NOD2: variants seen among roughly 807,000 people sequenced by gnomAD.
NOD2 encodes the protein nucleotide-binding oligomerization domain-containing protein 2.
In NOD2, 86 loss-of-function variants were observed where a neutral mutation model predicts 90.9. The ratio of observed to expected loss-of-function variants is 0.95; its 90% CI spans 0.79 to 1.13. The LOEUF is 1.13. Among genes scored for constraint, NOD2 ranks in the 50% most tolerant of loss-of-function variants. The probability of loss-of-function intolerance (pLI) is 0.00; values close to 1 mark genes in which losing one functional copy is unlikely to be tolerated. For missense variants in NOD2, 1,238 were observed against 1,283.8 expected (o/e 0.96, Z 0.55); for synonymous variants, 581 against 554.6 (o/e 1.05, Z -0.67).
At chr16:50,701,085 A>G (rs368351360) in intron 2 of NOD2, among the ~76,000 whole-genome samples, 3 of 152,252 alleles carry the variant, frequency 2.0e-5, no homozygotes, top group Admixed American at 6.5e-5. Context: ...AGTAGTTTGA[A>G]TAAGCTCACA....
chr16:50,727,056 C>A (rs1173325627), intron 10 of NOD2, among the ~76,000 whole-genome samples: 1 of 150,492 alleles, frequency 6.6e-6, no homozygotes, highest in Non-Finnish European at 1.5e-5. Flanking sequence ...AGGAGAATCA[C>A]TTGAACCTGG....
chr16:50,731,727 G>T lies in NOD2; in HGVS notation c.2970-20G>T, dbSNP rs1479033063. 6.3e-7 allele frequency: 1 copy of T among 1,595,058 alleles called. No homozygotes were observed. The highest frequency in any genetic ancestry group is 2.2e-5 in the East Asian group (1 of 44,790). Reference sequence around the variant, plus strand: ...TAATTTTGTCCTCACTCAAACCTCTGTTCACTTGATCTGCTTTAGGCTCCG... The same window carrying T: ...TAATTTTGTCCTCACTCAAACCTCTTTTCACTTGATCTGCTTTAGGCTCCG... On this transcript the variant is annotated intron_variant, in intron 11 of 11. Coordinates refer to ENST00000647318, the MANE Select transcript of NOD2 (RefSeq NM_001370466.1).
intron 7 of NOD2, among the ~76,000 whole-genome samples, chr16:50,721,104 C>G (rs978649148): frequency 7.2e-5 from 11 of 152,024 alleles, no homozygotes; most frequent in Admixed American, 2.6e-4. Flanking sequence ...CGCACCCGGC[C>G]CCCAAGCTCA....
At chr16:50,703,593 C>T (rs905729622) in intron 2 of NOD2, among the ~76,000 whole-genome samples, 16 of 150,802 alleles carry the variant, frequency 1.1e-4, no homozygotes, top group East Asian at 3.9e-4. Flanking sequence ...GAGCCGAGAT[C>T]GCACTGCTTG....
intron 3 of NOD2, chr16:50,710,047 A>G (rs1420246353): frequency 4.0e-5 from 18 of 454,850 alleles, no homozygotes; most frequent in Non-Finnish European, 7.9e-5. Context: ...TGGGCTCCTG[A>G]GCCCTTAAGC....
intron 1 of NOD2, among the ~76,000 whole-genome samples, chr16:50,694,096 A>G (rs1215140389): frequency 6.6e-6 from 1 of 152,104 alleles, no homozygotes; most frequent in Non-Finnish European, 1.5e-5. Context: ...CTGCGAGGCC[A>G]CATCCCCCAG....
intron 2 of NOD2, among the ~76,000 whole-genome samples, chr16:50,703,683 CAAAAA>C (rs1043742883): frequency 1.8e-5 from 1 of 56,440 alleles, no homozygotes; most frequent in Admixed American, 2.0e-4. Flanking sequence ...GACTCTGTCT[CAAAAA>C]AAAAAAAAAA....
chr16:50,720,043 AGGGG>A (rs1964983092), intron 7 of NOD2, 35 bp downstream of exon 7: 1 of 1,588,150 alleles, frequency 6.3e-7, no homozygotes, highest in Admixed American at 1.7e-5. Flanking sequence ...ACCTGCATGG[AGGGG>A]CTTGGGACTT....
At chr16:50,714,233 T>C (rs1194818731) in intron 4 of NOD2, among the ~76,000 whole-genome samples, 1 of 152,102 alleles carries the variant, frequency 6.6e-6, no homozygotes, top group Non-Finnish European at 1.5e-5. Flanking sequence ...GCAGAAGGGC[T>C]CTGGGAAACC....
At position 50,716,591 on chromosome 16, in the gene NOD2, C is replaced by T. The variant is rs575509512; in HGVS notation, c.2386C>T (p.Arg796Cys). The T allele has an allele frequency of 6.8e-6, 11 of 1,613,430 alleles. No individual in the cohort carries two copies. The highest frequency in any genetic ancestry group is 3.3e-5 in the South Asian group (3 of 91,010). The change falls in exon 5 of 12, where the codon CGC becomes TGC. Residue 796 changes from arginine (R) to cysteine (C), a missense_variant. Coordinates refer to ENST00000647318, the MANE Select transcript of NOD2 (RefSeq NM_001370466.1). ...CLGVCKALYL[R>C]DNNISDRGIC... ...GTATTTATTTTGTCTCTTTAGTTTGCGCGATAACAATATCTCAGACCGAGG... is the reference window on the plus strand; with the variant it reads ...GTATTTATTTTGTCTCTTTAGTTTGTGCGATAACAATATCTCAGACCGAGG...
At chr16:50,704,157 C>T (rs1964073632) in intron 2 of NOD2, among the ~76,000 whole-genome samples, 1 of 152,174 alleles carries the variant, frequency 6.6e-6, no homozygotes, top group Admixed American at 6.5e-5. Flanking sequence ...GAGATAACTG[C>T]CCTCAACTTG....
intron 2 of NOD2, among the ~76,000 whole-genome samples, chr16:50,701,001 T>G (rs1398650430): frequency 6.6e-6 from 1 of 152,210 alleles, no homozygotes; most frequent in African/African-American, 2.4e-5. Context: ...ATAGTGATTC[T>G]TAGGGCTCCT....
intron 1 of NOD2, chr16:50,696,196 A>G: frequency 6.6e-6 from 1 of 152,400 alleles, no homozygotes. Flanking sequence ...CTGAGATTTC[A>G]GCACTTAAGC....
chr16:50,716,478 C>G (rs1964798399), intron 4 of NOD2, 109 bp from the exon 5 acceptor site: 1 of 1,090,398 alleles, frequency 9.2e-7, no homozygotes, highest in East Asian at 2.6e-5. Context: ...TTCCTGGAAG[C>G]ACAGATGCTG....
chr16:50,712,122 C>T lies in NOD2; in HGVS notation c.2130C>T (p.Pro710=), dbSNP rs769210593. The T allele has an allele frequency of 2.4e-5, 39 of 1,613,900 alleles. No homozygotes were observed. The highest frequency in any genetic ancestry group is 6.6e-5 in the South Asian group (6 of 91,086). Residue 710 remains proline (P), a synonymous_variant, in exon 4 of 12, where the codon CCC becomes CCT. Transcript: ENST00000647318. ...PGEAKSVHAM[P]GFIWLIRSLY... ...AGGCCAAGAGCGTGCATGCCATGCC[C>T]GGGTTCATCTGGCTCATCCGGAGCC...
At chr16:50,716,548 C>A in intron 4 of NOD2, 39 bp from the exon 5 acceptor site, 1 of 1,566,962 alleles carries the variant, frequency 6.4e-7, no homozygotes, top group Non-Finnish European at 8.8e-7. Flanking sequence ...TCTTGTCTTA[C>A]TAGCTCCATT....
At chr16:50,729,772 G>A (rs1273882896) in intron 10 of NOD2, 46 bp from the exon 11 acceptor site, 2 of 1,551,284 alleles carry the variant, frequency 1.3e-6, no homozygotes, top group Admixed American at 1.7e-5. Flanking sequence ...GTTTCAAGAG[G>A]AAAACCAAGA....
At position 50,711,048 on chromosome 16, in the gene NOD2, T is replaced by C. The variant is rs1365503176; in HGVS notation, c.1056T>C (p.Asp352=). The part of the protein sequence containing the change: ...DHPDRVLLTF[D]GFDEFKFRFT... ...CTGACCGTGTCCTGTTAACCTTTGA[T>C]GGCTTTGACGAGTTCAAGTTCAGGT... is the stretch of plus-strand genomic sequence containing the variant. The change falls in exon 4 of 12, where the codon GAT becomes GAC. Residue 352 remains aspartate (D), a synonymous_variant. Transcript: ENST00000647318. The C allele has an allele frequency of 6.2e-7, 1 of 1,614,200 alleles. No homozygotes were observed. The highest frequency in any genetic ancestry group is 1.1e-5 in the South Asian group (1 of 91,090).
intron 3 of NOD2, among the ~76,000 whole-genome samples, chr16:50,710,178 GC>G (rs1964394035): frequency 6.6e-6 from 1 of 152,214 alleles, no homozygotes; most frequent in Non-Finnish European, 1.5e-5. Flanking sequence ...CCAGCCCAGA[GC>G]CCCTTCCCGT....
Sources: allele counts gnomAD v4.1 joint callset (sites outside exome capture counted in the v4.1 genomes callset), GRCh38; gene constraint gnomAD v4.1.1; transcripts MANE v1.5; gene names NCBI Gene and HGNC (gene_info 2026-07-23, HGNC 2026-07-21).